Variants in MX2 observed in about 807,000 individuals in gnomAD.
MX2 encodes MX dynamin like GTPase 2.
MX2 carries 51 observed loss-of-function variants against 74.0 expected under a neutral mutation model. The ratio of observed to expected loss-of-function variants is 0.69; its 90% confidence interval spans 0.55 to 0.87. The LOEUF is 0.87. MX2 is among the 40% of genes least tolerant of loss of function. The probability of loss-of-function intolerance (pLI) is 0.00; values close to 1 mark genes in which losing one functional copy is unlikely to be tolerated. For missense variants in MX2, 832 were observed against 908.7 expected (o/e 0.92, Z 1.09); for synonymous variants, 369 against 339.3 (o/e 1.09, Z -0.96).
At chr21:41,381,675 ACT>A (rs1233928929) in intron 4 of MX2, among the ~76,000 whole-genome samples, 3 of 132,104 alleles carry the variant, frequency 2.3e-5, no homozygotes, top group African/African-American at 3.1e-5. Flanking sequence ...ACAGAGCGAG[ACT>A]CTGTCTCAAA....
intron 7 of MX2, among the ~76,000 whole-genome samples, chr21:41,396,975 C>G (rs2089744634): frequency 6.6e-6 from 1 of 152,182 alleles, no homozygotes; most frequent in South Asian, 2.1e-4. Context: ...CCAGGGACCT[C>G]CCTTTGCAAA....
intron 1 of MX2, 101 bp from the exon 2 acceptor site, chr21:41,376,735 G>T (rs750863827): frequency 8.5e-5 from 70 of 819,818 alleles, no homozygotes; most frequent in Non-Finnish European, 1.2e-4. Context: ...TGTGTGTAGG[G>T]GGTAGGTTGT....
intron 6 of MX2, among the ~76,000 whole-genome samples, chr21:41,391,070 G>A (rs1460188620): frequency 2.6e-5 from 4 of 151,434 alleles, no homozygotes; most frequent in South Asian, 2.1e-4. Flanking sequence ...GAGGGATGCC[G>A]CACTTCTTTG....
At chr21:41,370,509 G>A (rs2089310329) in intron 1 of MX2, 2 of 152,248 alleles carry the variant, frequency 1.3e-5, no homozygotes, top group Non-Finnish European at 2.9e-5. Context: ...CACTTCCGTG[G>A]CAACTAAACA....
chr21:41,388,926 A>G lies in MX2; in HGVS notation c.733-1639A>G, dbSNP rs2089618182. ...CCGGTATCCAGTGGGTAAAGGCCACAGAGTCTGCTGGACAGCTTACAATGC... is the reference window on the plus strand; with the variant it reads ...CCGGTATCCAGTGGGTAAAGGCCACGGAGTCTGCTGGACAGCTTACAATGC... On this transcript the variant is annotated intron_variant, in intron 5 of 13. Transcript: ENST00000330714. The surrounding 1 kb of genome is among the most constrained non-coding windows in gnomAD (Gnocchi z 4.0). 6.6e-6 allele frequency among the ~76,000 whole-genome samples: 1 copy of G among 152,192 alleles called. No homozygotes were observed. The highest frequency in any genetic ancestry group is 1.5e-5 in the Non-Finnish European group (1 of 68,038).
intron 6 of MX2, among the ~76,000 whole-genome samples, chr21:41,393,920 T>C (rs1359098451): frequency 6.6e-6 from 1 of 151,922 alleles, no homozygotes; most frequent in Non-Finnish European, 1.5e-5. Context: ...AATCAAAGAG[T>C]CCCACTTGAG....
chr21:41,385,959 G>A (rs2089567067), intron 5 of MX2, among the ~76,000 whole-genome samples: 1 of 151,914 alleles, frequency 6.6e-6, no homozygotes, highest in Non-Finnish European at 1.5e-5. Flanking sequence ...CAATAGGCTT[G>A]GTCAACTCAG....
At chr21:41,391,497 C>T (rs1290274891) in intron 6 of MX2, among the ~76,000 whole-genome samples, 2 of 152,024 alleles carry the variant, frequency 1.3e-5, no homozygotes, top group South Asian at 2.1e-4. Context: ...ATTCTCCTGC[C>T]TCAGCCTCCC....
Position 41,366,371 on chromosome 21 carries a change from G to A in MX2, c.-72+4316G>A, listed in dbSNP as rs997058019. ...TCACGATAGAGGTAAACCTGAGACT[G>A]AGTAACTTACAAAGAAAAGAGGTTT... On this transcript the variant is annotated intron_variant, in intron 1 of 13. Coordinates refer to ENST00000330714, the MANE Select transcript of MX2 (RefSeq NM_002463.2). The surrounding 1 kb of genome is among the most constrained non-coding windows in gnomAD (Gnocchi z 4.5). The A allele has an allele frequency of 6.6e-6, 1 of 152,214 alleles. No individual in the cohort carries two copies. The highest frequency in any genetic ancestry group is 2.4e-5 in the African/African-American group (1 of 41,438). The allele number at this position is 152,214 out of a possible 1,614,324, so 9.4% of individuals were successfully genotyped here.
Position 41,376,961 on chromosome 21 carries a change from C to A in MX2, c.55C>A (p.Arg19=). The change falls in exon 2 of 14, where the codon CGA becomes AGA. Residue 19 remains arginine, a synonymous_variant. Transcript: ENST00000330714. ...PYRRRSQFSS[R]KYLKKEMNSF... is the part of the protein sequence containing the mutation. ...CCGGAGGAGAAGTCAATTTTCTTCT[C>A]GAAAATACCTGAAAAAAGAAATGAA... The A allele has an allele frequency of 6.2e-7, 1 of 1,614,038 alleles. No homozygotes were observed.
At chr21:41,386,552 A>G (rs1451344668) in intron 5 of MX2, among the ~76,000 whole-genome samples, 12 of 152,154 alleles carry the variant, frequency 7.9e-5, no homozygotes, top group Admixed American at 7.9e-4. Context: ...CTCCTTCTCC[A>G]TCACCTTCCC....
intron 5 of MX2, among the ~76,000 whole-genome samples, chr21:41,385,885 A>G (rs186523512): frequency 6.6e-6 from 1 of 152,334 alleles, no homozygotes; most frequent in East Asian, 1.9e-4. Context: ...AAAGTTGGAA[A>G]TAGCACAAAA....
chr21:41,385,736 G>T (rs1699282583), intron 5 of MX2, among the ~76,000 whole-genome samples: 1 of 152,092 alleles, frequency 6.6e-6, no homozygotes, highest in Non-Finnish European at 1.5e-5. Flanking sequence ...GAGAGGCTGG[G>T]GAGCCGTCAT....
intron 6 of MX2, among the ~76,000 whole-genome samples, chr21:41,391,491 T>C: frequency 6.6e-6 from 1 of 152,030 alleles, no homozygotes; most frequent in East Asian, 1.9e-4. Flanking sequence ...GATTCAATTC[T>C]CCTGCCTCAG....
chr21:41,369,808 C>T (rs2089299360), intron 1 of MX2, among the ~76,000 whole-genome samples: 1 of 152,042 alleles, frequency 6.6e-6, no homozygotes, highest in African/African-American at 2.4e-5. Context: ...TAGCGGGGAC[C>T]TCCCTGCCCG....
rs543754849 is a variant in MX2, at chr21:41,408,661, C to T, written c.*428C>T. On this transcript the variant is annotated 3_prime_UTR_variant, in exon 14 of 14. Transcript: ENST00000330714. ...GCTTAATAAATGACATCTCACTGAA[C>T]GAATGAGTGCTGTGTAAGTGATGGA... 3.4e-4 allele frequency: 58 copies of T among 168,612 alleles called. No homozygotes were observed. In the South Asian group the frequency reaches 8.4e-3, roughly 24 times the overall value. The allele number at this position is 168,612 out of a possible 1,614,324, so 10.4% of individuals were successfully genotyped here.
rs964298946 is a variant in MX2, at chr21:41,368,800, G to A, written c.-72+6745G>A. Among the ~76,000 whole-genome samples, 5 of 152,174 alleles carry A rather than the reference G, an allele frequency of 3.3e-5. No individual in the cohort carries two copies. Among genetic ancestry groups the A allele is most frequent in the East Asian group, 1.9e-4 (1 of 5,196 alleles). On this transcript the variant is annotated intron_variant, in intron 1 of 13. Transcript: ENST00000330714. This position sits in a 1 kb window ranked among gnomAD's most constrained non-coding sequence, Gnocchi z 4.6. ...GAGTTATCACCTCCCATCAGCACTC[G>A]GTTTTGTTCCTGGACCCCTGACTTC...
At chr21:41,391,258 T>C (rs1827769205) in intron 6 of MX2, among the ~76,000 whole-genome samples, 1 of 149,976 alleles carries the variant, frequency 6.7e-6, no homozygotes, top group Non-Finnish European at 1.5e-5. Flanking sequence ...AGAAAAAAAG[T>C]TTTCTAAAAA....
rs1426241884 is a variant in MX2, at chr21:41,377,167, G to A, written c.249+12G>A. On this transcript the variant is annotated intron_variant, in intron 2 of 13. Coordinates refer to ENST00000330714, the MANE Select transcript of MX2 (RefSeq NM_002463.2). ...AACCAAGGGCAATGGTAAGCCCGGTGGAGGGACGTTCAGAAAGGGTGCATT... is the reference window on the plus strand; with the variant it reads ...AACCAAGGGCAATGGTAAGCCCGGTAGAGGGACGTTCAGAAAGGGTGCATT... 6.2e-7 allele frequency: 1 copy of A among 1,613,264 alleles called. No individual in the cohort carries two copies.
Sources: allele counts gnomAD v4.1 joint callset (sites outside exome capture counted in the v4.1 genomes callset), GRCh38; gene constraint gnomAD v4.1.1; non-coding constraint Gnocchi (gnomAD v3.1); transcripts MANE v1.5; gene names NCBI Gene and HGNC (gene_info 2026-07-23, HGNC 2026-07-21).